Variants in ARPC2 observed in about 807,000 individuals in gnomAD.
ARPC2 encodes the protein actin related protein 2/3 complex subunit 2, also known as actin-related protein 2/3 complex subunit 2.
A neutral mutation model predicts 38.6 loss-of-function variants in ARPC2; 4 were observed. The ratio of observed to expected loss-of-function variants is 0.10; its 90% CI spans 0.05 to 0.24. The LOEUF is 0.24. ARPC2 is among the 10% of genes least tolerant of loss of function. ARPC2 has a pLI of 1.00. For missense variants in ARPC2, 229 were observed against 387.3 expected (o/e 0.59, Z 3.43); for synonymous variants, 125 against 140.8 (o/e 0.89, Z 0.79).
intron 10 of ARPC2, among the ~76,000 whole-genome samples, chr2:218,252,702 T>C (rs1313049553): frequency 6.6e-6 from 1 of 152,194 alleles, no homozygotes; most frequent in African/African-American, 2.4e-5. Flanking sequence ...GCATCACCTT[T>C]GGCACTGGTA....
At chr2:218,236,483 C>T (rs1368919676) in intron 5 of ARPC2, 1 of 151,948 alleles carries the variant, frequency 6.6e-6, no homozygotes, top group Non-Finnish European at 1.5e-5. Flanking sequence ...TCCCGAAGAG[C>T]CCATGCTCAA....
chr2:218,222,006 G>A (rs902725809), intron 2 of ARPC2, among the ~76,000 whole-genome samples: 2 of 152,192 alleles, frequency 1.3e-5, no homozygotes, highest in South Asian at 2.1e-4. Context: ...CCTGGCTCAC[G>A]CCTGTAATCC....
rs764946348 is a variant in ARPC2 at position 218,228,857 on chromosome 2, T to C, written c.222+7T>C. On this transcript the variant is annotated splice_region_variant and intron_variant, in intron 4 of 10. Coordinates refer to ENST00000315717, the MANE Select transcript of ARPC2 (RefSeq NM_152862.3). ...GGCACATGGTGCTGATGAGGTAAGA[T>C]CCACATCATTTTCCTTGGGACTCTT... 4 of 1,513,506 alleles carry C rather than the reference T, an allele frequency of 2.6e-6. No homozygotes were observed. The highest frequency in any genetic ancestry group is 2.3e-5 in the East Asian group (1 of 44,362). The allele number at this position is 1,513,506 out of a possible 1,614,324, so 93.8% of individuals were successfully genotyped here.
intron 3 of ARPC2, among the ~76,000 whole-genome samples, chr2:218,228,468 T>C (rs1481995730): frequency 6.6e-6 from 1 of 152,190 alleles, no homozygotes; most frequent in East Asian, 1.9e-4. Flanking sequence ...TCGTTCTGCT[T>C]ATATACATGT....
chr2:218,227,064 G>A lies in ARPC2; in HGVS notation c.109+1110G>A, dbSNP rs73084199. The A allele has an allele frequency of 9.9e-3, 4,503 of 456,086 alleles. 132 individuals are homozygous for A. The highest frequency in any genetic ancestry group is 0.077 in the African/African-American group (3,859 of 50,160). 28.3% of individuals were successfully genotyped at this position (456,086 alleles called of 1,614,324 possible). A position where few individuals can be genotyped will look rare whatever the true frequency, so the allele number is the denominator to read the frequency against. On this transcript the variant is annotated intron_variant, in intron 3 of 10. Transcript: ENST00000315717. ...AGTCCTCGACAAGATGATCTTGGAA[G>A]ACTTTTGCAGCTCTGAAGTGCTGTT...
In ARPC2 at chr2:218,249,846, C is replaced by T. The variant is rs769896904; in HGVS notation, c.803C>T (p.Ala268Val). ...GCCTATATTCACACACGTATGCGGG[C>T]GAAAACGTCTGACTTCCTCAAGGTG... is the stretch of plus-strand genomic sequence containing the variant. ...SKAYIHTRMR[A>V]KTSDFLKVLN... Residue 268 changes from alanine (A) to valine (V), a missense_variant, in exon 10 of 11, where the codon GCG (alanine) becomes GTG (valine). Ala to Val is a moderately conservative substitution (Grantham distance 64). Transcript: ENST00000315717. 22 of 1,613,780 alleles carry T rather than the reference C, an allele frequency of 1.4e-5. 1 individual carries two copies. Among genetic ancestry groups the T allele is most frequent in the South Asian group, 1.2e-4 (11 of 90,970 alleles).
At chr2:218,226,792 G>A (rs1487224956) in intron 3 of ARPC2, among the ~76,000 whole-genome samples, 1 of 151,710 alleles carries the variant, frequency 6.6e-6, no homozygotes, top group Non-Finnish European at 1.5e-5. Flanking sequence ...TAATTTTGTG[G>A]TAAAACTGAG....
At chr2:218,251,099 T>C (rs1246223844) in intron 10 of ARPC2, among the ~76,000 whole-genome samples, 8 of 152,160 alleles carry the variant, frequency 5.3e-5, no homozygotes, top group Non-Finnish European at 1.2e-4. Flanking sequence ...GCCTCCCATC[T>C]GCTGTCTTTT....
intron 2 of ARPC2, 133 bp downstream of exon 2, chr2:218,217,677 G>T: frequency 1.0e-6 from 1 of 982,832 alleles, no homozygotes; most frequent in Non-Finnish European, 1.5e-6. Context: ...CTGCCCCAGC[G>T]GGGTAGACGT....
At chr2:218,248,605 C>T (rs1690103765) in intron 8 of ARPC2, among the ~76,000 whole-genome samples, 1 of 152,212 alleles carries the variant, frequency 6.6e-6, no homozygotes, top group African/African-American at 2.4e-5. Context: ...AGATTACAGG[C>T]ACACGCCATC....
intron 8 of ARPC2, among the ~76,000 whole-genome samples, chr2:218,247,609 G>A (rs1475098134): frequency 2.6e-5 from 4 of 152,118 alleles, no homozygotes; most frequent in African/African-American, 4.8e-5. Context: ...GACCACAGGC[G>A]TGTGCCACCA....
chr2:218,227,623 C>T (rs1484488396), intron 3 of ARPC2, among the ~76,000 whole-genome samples: 1 of 151,314 alleles, frequency 6.6e-6, no homozygotes, highest in East Asian at 1.9e-4. Flanking sequence ...CAGCGTCTTG[C>T]TCTGTCGCCC....
rs1456609741 is a variant in ARPC2, at chr2:218,228,194, G to T, written c.110-544G>T. Among the ~76,000 whole-genome samples, 4 of 152,016 alleles carry T rather than the reference G, an allele frequency of 2.6e-5. No homozygotes were observed. In the South Asian group the frequency reaches 8.3e-4, roughly 31 times the overall value. On this transcript the variant is annotated intron_variant, in intron 3 of 10. Coordinates refer to ENST00000315717, the MANE Select transcript of ARPC2 (RefSeq NM_152862.3). The stretch of plus-strand genomic sequence containing the variant: ...CTGAGGTGGGCAGATCATGAGGTCA[G>T]GAGTTCGAGACCAGCCTGGCCAACA...
At chr2:218,228,634 C>G in intron 3 of ARPC2, 104 bp from the exon 4 acceptor site, 1 of 579,470 alleles carries the variant, frequency 1.7e-6, no homozygotes, top group Non-Finnish European at 3.1e-6. Flanking sequence ...ACTTACATGC[C>G]TCCTTAAAAG....
Position 218,249,552 on chromosome 2 carries a change from C to T in ARPC2, c.777+88C>T, listed in dbSNP as rs370288539. 3.5e-5 allele frequency: 37 copies of T among 1,051,216 alleles called. No homozygotes were observed. The African/African-American group carries it at 3.8e-4, about 11-fold the overall frequency. 65.1% of individuals were successfully genotyped at this position (1,051,216 alleles called of 1,614,324 possible). A position where few individuals can be genotyped will look rare whatever the true frequency, so the allele number is the denominator to read the frequency against. ...GACAGAAAGTCATTCCATTAGTCTA[C>T]GCTGTGGATATTGACTCTTAGGTAA... On this transcript the variant is annotated intron_variant, in intron 9 of 10. Transcript: ENST00000315717.
At chr2:218,221,513 C>T (rs896973084) in intron 2 of ARPC2, among the ~76,000 whole-genome samples, 6 of 152,194 alleles carry the variant, frequency 3.9e-5, no homozygotes, top group African/African-American at 1.4e-4. Context: ...TGCCACCTGT[C>T]CTGTGGCCTA....
At position 218,245,400 on chromosome 2, in the gene ARPC2, CT is replaced by C. The variant is rs1449774199; in HGVS notation, c.550-16del. 1.9e-6 allele frequency: 3 copies of C among 1,613,664 alleles called. No homozygotes were observed. Among genetic ancestry groups the C allele is most frequent in the Non-Finnish European group, 1.7e-6 (2 of 1,179,912 alleles). On this transcript the variant is annotated intron_variant, in intron 7 of 10. Transcript: ENST00000315717. ...CTTACACCCACTTCTCTTCTGGTTG[CT>C]TTTGCTTTGTCTTGGCAGGAGTTCA...
At position 218,249,428 on chromosome 2, in the gene ARPC2, C is replaced by A; in HGVS notation, c.741C>A (p.Phe247Leu). ...RDNTINLIHTFRDYLHYHIKC... is the reference protein window; with the variant it reads ...RDNTINLIHTLRDYLHYHIKC... ...ACACCATCAACCTGATCCACACGTT[C>A]CGGGACTACCTGCACTACCACATCA... The change falls in exon 9 of 11, where the codon TTC becomes TTA. Residue 247 changes from phenylalanine to leucine, a missense_variant. Physicochemically the swap from Phe to Leu is conservative, Grantham distance 22. Transcript: ENST00000315717. 2 of 1,613,462 alleles carry A rather than the reference C, an allele frequency of 1.2e-6. No individual in the cohort carries two copies. The highest frequency in any genetic ancestry group is 1.7e-6 in the Non-Finnish European group (2 of 1,179,678).
At chr2:218,226,155 T>C (rs1689490992) in intron 3 of ARPC2, among the ~76,000 whole-genome samples, 1 of 151,972 alleles carries the variant, frequency 6.6e-6, no homozygotes, top group Non-Finnish European at 1.5e-5. Context: ...TAGCCGGGCA[T>C]GGTGGTGGGC....
Sources: allele counts gnomAD v4.1 joint callset (sites outside exome capture counted in the v4.1 genomes callset), GRCh38; gene constraint gnomAD v4.1.1; transcripts MANE v1.5; gene names NCBI Gene and HGNC (gene_info 2026-07-23, HGNC 2026-07-21).